The following ADAMTS17 variants were observed in gnomAD, a reference collection of about 807,000 sequenced individuals.
The protein encoded by ADAMTS17 is ADAM metallopeptidase with thrombospondin type 1 motif 17.
ADAMTS17 carries 113 observed loss-of-function variants against 141.5 expected under a neutral mutation model. That is an observed-to-expected ratio of 0.80 (90% CI 0.69 to 0.93). The LOEUF is 0.93. Ranked by LOEUF, ADAMTS17 falls within the 40% of genes least tolerant of loss-of-function variation. ADAMTS17 has a pLI of 0.00. For missense variants in ADAMTS17, 1,659 were observed against 1,517.9 expected (o/e 1.09, Z -1.54); for synonymous variants, 768 against 630.6 (o/e 1.22, Z -3.27).
intron 15 of ADAMTS17, among the ~76,000 whole-genome samples, chr15:100,081,232 A>C (rs1262402761): frequency 1.3e-5 from 2 of 152,192 alleles, no homozygotes; most frequent in Non-Finnish European, 2.9e-5. Flanking sequence ...CTGCCCTGGA[A>C]CATCAGACCC....
Position 100,341,866 on chromosome 15 carries a change from G to C in ADAMTS17, c.34C>G (p.Leu12Val). 1 of 1,552,878 alleles carries C rather than the reference G, an allele frequency of 6.4e-7. No homozygotes were observed. The highest frequency in any genetic ancestry group is 1.4e-5 in the African/African-American group (1 of 73,212). Residue 12 changes from leucine to valine, a missense_variant, in exon 1 of 22, where the codon CTG (leucine) becomes GTG (valine). Physicochemically the swap from Leu to Val is conservative, Grantham distance 32. Coordinates refer to ENST00000268070, the MANE Select transcript of ADAMTS17 (RefSeq NM_139057.4). Reference sequence around the variant, plus strand: ...CAAACCAGCAGCAGCAGCACGGGCAGGACGAGCGGAGGCAGCAGGGCGCCG... The same window carrying C: ...CAAACCAGCAGCAGCAGCACGGGCACGACGAGCGGAGGCAGCAGGGCGCCG... Reference protein sequence around the residue: ...CDGALLPPLVLPVLLLLVWGL... With the variant: ...CDGALLPPLVVPVLLLLVWGL...
At chr15:100,159,891 C>T (rs751129090) in intron 8 of ADAMTS17, among the ~76,000 whole-genome samples, 10 of 152,194 alleles carry the variant, frequency 6.6e-5, no homozygotes, top group African/African-American at 1.2e-4. Context: ...GAGAAAGGAA[C>T]GTTTTGCCTC....
intron 7 of ADAMTS17, among the ~76,000 whole-genome samples, chr15:100,228,662 G>A (rs946398481): frequency 3.9e-5 from 6 of 152,192 alleles, no homozygotes; most frequent in African/African-American, 7.2e-5. Context: ...GGCATGAAAC[G>A]TCAAATGCCA....
chr15:100,160,891 C>T (rs1288251204), intron 8 of ADAMTS17, among the ~76,000 whole-genome samples: 1 of 152,248 alleles, frequency 6.6e-6, no homozygotes, highest in Non-Finnish European at 1.5e-5. Flanking sequence ...ACATCAACTA[C>T]TGTCTAGGCT....
rs112962326 is a variant in ADAMTS17, at chr15:100,019,064, G to A, written c.2592-21475C>T. 4.3e-3 allele frequency among the ~76,000 whole-genome samples: 652 copies of A among 152,270 alleles called. 9 individuals carry two copies. The highest frequency in any genetic ancestry group is 0.014 in the African/African-American group (590 of 41,542). ...AAACCTCAAATGGCAATCCACCTACGTGTCCATCGATGGCAGAATGAATAA... is the reference window on the plus strand; with the variant it reads ...AAACCTCAAATGGCAATCCACCTACATGTCCATCGATGGCAGAATGAATAA... On this transcript the variant is annotated intron_variant, in intron 18 of 21. Transcript: ENST00000268070.
rs189771653 is a variant in ADAMTS17 at position 100,252,865 on chromosome 15, G to A, written c.1075+1271C>T. Reference sequence around the variant, plus strand: ...ACTCTAAAATGTGACATGAATGGTAGCTATCATTATATTAGATTTTGAAGG... The same window carrying A: ...ACTCTAAAATGTGACATGAATGGTAACTATCATTATATTAGATTTTGAAGG... On this transcript the variant is annotated intron_variant, in intron 7 of 21. Transcript: ENST00000268070. Among the ~76,000 whole-genome samples, 12 of 152,262 alleles carry A rather than the reference G, an allele frequency of 7.9e-5. No individual in the cohort carries two copies. In the East Asian group the frequency reaches 2.3e-3, roughly 29 times the overall value.
At chr15:100,112,927 C>G (rs1281880043) in intron 13 of ADAMTS17, among the ~76,000 whole-genome samples, 1 of 152,148 alleles carries the variant, frequency 6.6e-6, no homozygotes, top group Non-Finnish European at 1.5e-5. Flanking sequence ...ACTCGTGGCT[C>G]TCAGCAGTCT....
intron 12 of ADAMTS17, among the ~76,000 whole-genome samples, chr15:100,126,704 T>G (rs2037753277): frequency 1.3e-5 from 2 of 152,218 alleles, no homozygotes; most frequent in South Asian, 4.1e-4. Flanking sequence ...GAGGCACTGG[T>G]ATTGCAGAGA....
chr15:100,322,379 T>C (rs1309880260), intron 3 of ADAMTS17, among the ~76,000 whole-genome samples: 1 of 152,196 alleles, frequency 6.6e-6, no homozygotes, highest in Admixed American at 6.5e-5. Flanking sequence ...GAAAAGAGTC[T>C]AGTTAAGAAT....
At chr15:100,172,521 C>CTCACCTCTGGTCACCTCCTCTGTCCTGAT (rs2040198049) in intron 8 of ADAMTS17, among the ~76,000 whole-genome samples, 3 of 152,188 alleles carry the variant, frequency 2.0e-5, no homozygotes, top group Non-Finnish European at 2.9e-5. Flanking sequence ...TCCATCCTGA[C>CTCACCTCTGGTCACCTCCTCTGTCCTGAT]TCACCTCTGG....
At chr15:100,289,827 T>C (rs28874084) in intron 3 of ADAMTS17, among the ~76,000 whole-genome samples, 2,673 of 152,272 alleles carry the variant, frequency 0.018, 94 homozygotes, top group African/African-American at 0.061. Context: ...CCCTTTATGT[T>C]AAAAACCCTC....
chr15:100,047,012 C>A (rs1293342192), intron 18 of ADAMTS17, among the ~76,000 whole-genome samples: 2 of 152,064 alleles, frequency 1.3e-5, no homozygotes, highest in Admixed American at 1.3e-4. Context: ...TCACTGAATT[C>A]TTTTTCTCAG....
chr15:100,333,463 C>T (rs1251977870), intron 2 of ADAMTS17, among the ~76,000 whole-genome samples: 2 of 152,194 alleles, frequency 1.3e-5, no homozygotes, highest in East Asian at 3.9e-4. Context: ...GGGTGGAGCC[C>T]AGGCACTGAT....
intron 12 of ADAMTS17, chr15:100,129,194 A>C (rs1413645741): frequency 1.3e-5 from 2 of 152,208 alleles, no homozygotes; most frequent in African/African-American, 4.8e-5. Context: ...CAAGAAGACC[A>C]GTCTTCCACT....
intron 7 of ADAMTS17, among the ~76,000 whole-genome samples, chr15:100,209,274 C>T (rs1008781015): frequency 2.6e-5 from 4 of 152,190 alleles, no homozygotes; most frequent in Admixed American, 2.0e-4. Flanking sequence ...TTTCAATCTA[C>T]ACGTTGTTCT....
At chr15:100,191,606 C>T (rs755236523) in intron 8 of ADAMTS17, among the ~76,000 whole-genome samples, 1 of 152,250 alleles carries the variant, frequency 6.6e-6, no homozygotes, top group Non-Finnish European at 1.5e-5. Flanking sequence ...AATGCAGTTT[C>T]TCTGCAACCC....
intron 7 of ADAMTS17, among the ~76,000 whole-genome samples, chr15:100,247,799 A>T (rs530218702): frequency 1.3e-5 from 2 of 152,100 alleles, no homozygotes; most frequent in Admixed American, 6.5e-5. Context: ...TCTTGGTTTC[A>T]TGGCCTCATG....
intron 7 of ADAMTS17, among the ~76,000 whole-genome samples, chr15:100,236,008 T>C (rs1366657044): frequency 6.6e-6 from 1 of 152,070 alleles, no homozygotes; most frequent in Admixed American, 6.5e-5. Flanking sequence ...TGGCTGAACA[T>C]TTGGGGTAAA....
In ADAMTS17 at chr15:99,997,691, G is replaced by T; in HGVS notation, c.2592-102C>A. The T allele has an allele frequency of 6.9e-7, 1 of 1,447,782 alleles. No individual in the cohort carries two copies. Among genetic ancestry groups the T allele is most frequent in the Non-Finnish European group, 9.6e-7 (1 of 1,041,378 alleles). 89.7% of individuals were successfully genotyped at this position (1,447,782 alleles called of 1,614,324 possible). A position where few individuals can be genotyped will look rare whatever the true frequency, so the allele number is the denominator to read the frequency against. ...CTGGAATTGCTGCCCTGTGGTGGGA[G>T]AGAGGGAGGCAGACTCAGGAAGCTT... On this transcript the variant is annotated intron_variant, in intron 18 of 21. Coordinates refer to ENST00000268070, the MANE Select transcript of ADAMTS17 (RefSeq NM_139057.4). This position sits in a 1 kb window ranked among gnomAD's most constrained non-coding sequence, Gnocchi z 4.7.
Sources: gnomAD v4.1 joint callset for allele counts (sites outside exome capture counted in the v4.1 genomes callset) on GRCh38, gnomAD v4.1.1 for gene constraint, Gnocchi (gnomAD v3.1) non-coding constraint, MANE v1.5 for transcripts, NCBI Gene and HGNC (gene_info 2026-07-23, HGNC 2026-07-21) for gene names.